The following JPH3 variants were observed in gnomAD, a reference collection of about 807,000 sequenced individuals.
JPH3 encodes junctophilin 3, also known as junctophilin-3.
In JPH3, 11 loss-of-function variants were observed where a neutral mutation model predicts 59.6. That is an observed-to-expected ratio of 0.18 (90% CI 0.12 to 0.31). The LOEUF (loss-of-function observed/expected upper bound fraction) is 0.31. Ranked by LOEUF, JPH3 falls within the 10% of genes least tolerant of loss-of-function variation. The probability of loss-of-function intolerance (pLI) is 1.00; values close to 1 mark genes in which losing one functional copy is unlikely to be tolerated. For synonymous variants in JPH3, 673 were observed against 483.6 expected (o/e 1.39, Z -5.14); for missense variants, 1,202 against 1,105.7 (o/e 1.09, Z -1.24).
Position 87,690,000 on chromosome 16 carries a change from T to C in JPH3, c.1640T>C (p.Leu547Pro), listed in dbSNP as rs1440583555. 6.7e-7 allele frequency: 1 copy of C among 1,503,012 alleles called. No individual in the cohort carries two copies. Among genetic ancestry groups the C allele is most frequent in the Non-Finnish European group, 8.9e-7 (1 of 1,125,904 alleles). The allele number at this position is 1,503,012 out of a possible 1,614,324, so 93.1% of individuals were successfully genotyped here. ...TCCAGGGGTGTCCGCAGCGGTGCCC[T>C]GCGCGGCGGCCTGCTCGTGGATGAC... is the stretch of plus-strand genomic sequence containing the variant. Reference protein sequence around the residue: ...GGSRGVRSGALRGGLLVDDFR... With the variant: ...GGSRGVRSGAPRGGLLVDDFR... Residue 547 changes from leucine to proline, a missense_variant, in exon 4 of 5, where the codon CTG becomes CCG. Coordinates refer to ENST00000284262, the MANE Select transcript of JPH3 (RefSeq NM_020655.4).
intron 2 of JPH3, among the ~76,000 whole-genome samples, chr16:87,670,788 G>T (rs2032994762): frequency 6.6e-6 from 1 of 152,226 alleles, no homozygotes; most frequent in African/African-American, 2.4e-5. Flanking sequence ...TCGTTGGTTT[G>T]TGGGGTGAAG....
intron 2 of JPH3, among the ~76,000 whole-genome samples, chr16:87,656,724 T>A (rs559491210): frequency 5.7e-4 from 87 of 152,320 alleles, no homozygotes; most frequent in African/African-American, 2.0e-3. Flanking sequence ...CATGGGCATG[T>A]GCTCGTCTCT....
At chr16:87,694,752 C>G (rs2142846673) in intron 4 of JPH3, 1 of 166,304 alleles carries the variant, frequency 6.0e-6, no homozygotes, top group African/African-American at 2.4e-5. Context: ...GCCATCACCC[C>G]CAATTCTATC....
At chr16:87,658,978 C>T (rs770818793) in intron 2 of JPH3, among the ~76,000 whole-genome samples, 22 of 152,224 alleles carry the variant, frequency 1.4e-4, no homozygotes, top group African/African-American at 2.2e-4. Flanking sequence ...TTGCTGGAGG[C>T]GGGGTCGCAG....
intron 2 of JPH3, among the ~76,000 whole-genome samples, chr16:87,680,867 C>T (rs1399509687): frequency 1.3e-5 from 2 of 152,218 alleles, no homozygotes; most frequent in South Asian, 2.1e-4. Flanking sequence ...TATGTAAACA[C>T]ACGTATGATG....
intron 2 of JPH3, among the ~76,000 whole-genome samples, chr16:87,652,870 C>T (rs949629027): frequency 1.3e-5 from 2 of 152,218 alleles, no homozygotes; most frequent in African/African-American, 2.4e-5. Context: ...TCCTGGGCAC[C>T]TCTGCCACTC....
At chr16:87,692,227 C>CCCCGTCTCCCT (rs2033608665) in intron 4 of JPH3, among the ~76,000 whole-genome samples, 1 of 150,962 alleles carries the variant, frequency 6.6e-6, no homozygotes. Flanking sequence ...CCGTCTCCCT[C>CCCCGTCTCCCT]CCCACAGCTT....
At chr16:87,679,055 A>G (rs1165820065) in intron 2 of JPH3, among the ~76,000 whole-genome samples, 10 of 152,114 alleles carry the variant, frequency 6.6e-5, no homozygotes. Context: ...CAGACCTCAA[A>G]TCCTCCCCAT....
chr16:87,692,170 G>C (rs558256408), intron 4 of JPH3, among the ~76,000 whole-genome samples: 2 of 151,992 alleles, frequency 1.3e-5, no homozygotes, highest in African/African-American at 4.8e-5. Flanking sequence ...GCCACCCTGG[G>C]GTACCTGGTG....
chr16:87,696,382 G>A, intron 4 of JPH3, 198 bp from the exon 5 acceptor site: 1 of 598,290 alleles, frequency 1.7e-6, no homozygotes, highest in Non-Finnish European at 3.0e-6. Context: ...AGGCAGCTGG[G>A]GCTTCTCTCC....
intron 2 of JPH3, among the ~76,000 whole-genome samples, chr16:87,656,865 C>T (rs926770761): frequency 1.3e-5 from 2 of 152,178 alleles, no homozygotes; most frequent in Non-Finnish European, 1.5e-5. Flanking sequence ...TGCATGGTGC[C>T]TGTGGTGTTC....
intron 1 of JPH3, among the ~76,000 whole-genome samples, chr16:87,640,464 C>T (rs779210499): frequency 2.4e-4 from 36 of 151,810 alleles, no homozygotes; most frequent in Non-Finnish European, 4.6e-4. Flanking sequence ...GATCTGTGCT[C>T]ACTGTAACCT....
At chr16:87,679,237 TTCTC>T (rs1341438658) in intron 2 of JPH3, among the ~76,000 whole-genome samples, 1 of 152,150 alleles carries the variant, frequency 6.6e-6, no homozygotes, top group African/African-American at 2.4e-5. Context: ...TGCTTAGGGT[TTCTC>T]TCTTTCTTTC....
At chr16:87,662,965 G>T (rs921816099) in intron 2 of JPH3, among the ~76,000 whole-genome samples, 2 of 152,186 alleles carry the variant, frequency 1.3e-5, no homozygotes, top group African/African-American at 2.4e-5. Flanking sequence ...TAAGCCCTGA[G>T]CTCACTAATC....
At chr16:87,627,367 C>T (rs2031415770) in intron 1 of JPH3, among the ~76,000 whole-genome samples, 1 of 152,236 alleles carries the variant, frequency 6.6e-6, no homozygotes, top group Admixed American at 6.5e-5. Flanking sequence ...ACGATAACAG[C>T]AGCGGTCTCC....
At chr16:87,668,756 A>G (rs577762122) in intron 2 of JPH3, among the ~76,000 whole-genome samples, 1 of 152,098 alleles carries the variant, frequency 6.6e-6, no homozygotes, top group East Asian at 1.9e-4. Flanking sequence ...TGGTGCTCAC[A>G]CCATCACAGG....
At chr16:87,617,691 C>A (rs187423485) in intron 1 of JPH3, among the ~76,000 whole-genome samples, 2 of 152,116 alleles carry the variant, frequency 1.3e-5, no homozygotes, top group Non-Finnish European at 1.5e-5. Flanking sequence ...ACTGGGTGGT[C>A]CTGTCTTTGA....
intron 4 of JPH3, among the ~76,000 whole-genome samples, chr16:87,692,178 G>C (rs1403444206): frequency 7.4e-6 from 1 of 134,936 alleles, no homozygotes; most frequent in Non-Finnish European, 1.6e-5. Context: ...GGGGTACCTG[G>C]TGCTGGTGCA....
chr16:87,642,546 C>A (rs1400999436), intron 1 of JPH3, among the ~76,000 whole-genome samples: 1 of 152,252 alleles, frequency 6.6e-6, no homozygotes, highest in East Asian at 1.9e-4. Flanking sequence ...TAAGTCTCGG[C>A]CTCCAGGCCT....
Sources: gnomAD v4.1 joint callset for allele counts (sites outside exome capture counted in the v4.1 genomes callset) on GRCh38, gnomAD v4.1.1 for gene constraint, MANE v1.5 for transcripts, NCBI Gene and HGNC (gene_info 2026-07-23, HGNC 2026-07-21) for gene names.